Variants in CTNND2 observed in about 807,000 individuals in gnomAD.
CTNND2 encodes catenin delta 2, also known as catenin delta-2.
A neutral mutation model predicts 144.4 loss-of-function variants in CTNND2; 22 were observed. The ratio of observed to expected loss-of-function variants is 0.15; its 90% confidence interval spans 0.11 to 0.22. CTNND2 has a LOEUF of 0.22. Ranked by LOEUF, CTNND2 falls within the 10% of genes least tolerant of loss-of-function variation. The probability of loss-of-function intolerance (pLI) is 1.00; values close to 1 mark genes in which losing one functional copy is unlikely to be tolerated. For synonymous variants in CTNND2, 751 were observed against 695.6 expected (o/e 1.08, Z -1.25); for missense variants, 1,353 against 1,618.8 (o/e 0.84, Z 2.82).
intron 18 of CTNND2, among the ~76,000 whole-genome samples, chr5:11,002,727 A>T (rs1740083304): frequency 6.6e-6 from 1 of 152,192 alleles, no homozygotes; most frequent in South Asian, 2.1e-4. Flanking sequence ...CTTGACCCTG[A>T]TGGGGTGGAG....
intron 2 of CTNND2, among the ~76,000 whole-genome samples, chr5:11,731,559 T>C (rs1366043082): frequency 6.6e-6 from 1 of 152,228 alleles, no homozygotes; most frequent in Non-Finnish European, 1.5e-5. Flanking sequence ...ATGACTTTTA[T>C]AAAGTGACGT....
chr5:11,459,194 T>C lies in CTNND2; in HGVS notation c.288-47125A>G, dbSNP rs144811174. On this transcript the variant is annotated intron_variant, in intron 3 of 21. Coordinates refer to ENST00000304623, the MANE Select transcript of CTNND2 (RefSeq NM_001332.4). Reference sequence around the variant, plus strand: ...TATTACAAGTTTTTGTTATTATTGTTGTTATATTACCATTTACAGAGTTAA... The same window carrying C: ...TATTACAAGTTTTTGTTATTATTGTCGTTATATTACCATTTACAGAGTTAA... 2.0e-3 allele frequency among the ~76,000 whole-genome samples: 311 copies of C among 152,302 alleles called. 1 individual carries two copies. The highest frequency in any genetic ancestry group is 4.7e-4 in the Non-Finnish European group (32 of 68,026).
Position 11,904,128 on chromosome 5 carries a change from C to T in CTNND2, c.-275G>A, listed in dbSNP as rs898743104. ...CCGGCTCCGCGGGCTCCACGGGCTC[C>T]TGCGGGCTCCTCGGGGCTCCGGGCG... On this transcript the variant is annotated 5_prime_UTR_variant, in exon 1 of 22. Transcript: ENST00000304623. The surrounding 1 kb of genome is among the most constrained non-coding windows in gnomAD (Gnocchi z 4.2). 6.7e-6 allele frequency: 1 copy of T among 148,914 alleles called. No homozygotes were observed. The highest frequency in any genetic ancestry group is 2.5e-5 in the African/African-American group (1 of 40,536). 9.2% of individuals were successfully genotyped at this position (148,914 alleles called of 1,614,324 possible). A position where few individuals can be genotyped will look rare whatever the true frequency, so the allele number is the denominator to read the frequency against.
At chr5:11,309,957 A>T (rs1405116879) in intron 9 of CTNND2, among the ~76,000 whole-genome samples, 1 of 151,808 alleles carries the variant, frequency 6.6e-6, no homozygotes, top group Non-Finnish European at 1.5e-5. Flanking sequence ...GCCTTCTGCC[A>T]TTATTGTAAG....
intron 16 of CTNND2, among the ~76,000 whole-genome samples, chr5:11,025,988 A>C (rs1316267796): frequency 6.6e-6 from 1 of 152,156 alleles, no homozygotes; most frequent in Admixed American, 6.5e-5. Flanking sequence ...GGGTGGTTCA[A>C]ACTTTTTTTA....
chr5:11,204,577 T>C (rs1737844114), intron 10 of CTNND2, among the ~76,000 whole-genome samples: 1 of 152,152 alleles, frequency 6.6e-6, no homozygotes, highest in Non-Finnish European at 1.5e-5. Context: ...GCCCCATTTG[T>C]TACTCTTAAC....
chr5:11,412,637 G>A (rs1317015508), intron 3 of CTNND2, among the ~76,000 whole-genome samples: 1 of 152,034 alleles, frequency 6.6e-6, no homozygotes, highest in Non-Finnish European at 1.5e-5. Context: ...AGACGGAAAG[G>A]GTTGTCCATA....
rs545081920 is a variant in CTNND2, at chr5:11,250,044, T to C, written c.1629-13221A>G. On this transcript the variant is annotated intron_variant, in intron 9 of 21. Transcript: ENST00000304623. ...CAAAGCAATTCCATAGGGATTTTCT[T>C]TGATCATATTTCAGAGTACTTTGCT... Among the ~76,000 whole-genome samples, 71 of 152,336 alleles carry C rather than the reference T, an allele frequency of 4.7e-4. 2 individuals are homozygous for C. In the South Asian group the frequency reaches 0.014, roughly 30 times the overall value.
intron 2 of CTNND2, among the ~76,000 whole-genome samples, chr5:11,713,610 CAT>C (rs1786166753): frequency 6.8e-6 from 1 of 146,312 alleles, no homozygotes; most frequent in South Asian, 2.2e-4. Context: ...AAAAAAATAC[CAT>C]ATATATACAT....
intron 1 of CTNND2, among the ~76,000 whole-genome samples, chr5:11,817,517 C>A (rs1056045606): frequency 6.7e-6 from 1 of 149,680 alleles, no homozygotes; most frequent in Non-Finnish European, 1.5e-5. Context: ...ACCAACACAA[C>A]CCCATTCCCC....
At position 11,753,953 on chromosome 5, in the gene CTNND2, G is replaced by A. The variant is rs531107904; in HGVS notation, c.38-21681C>T. Among the ~76,000 whole-genome samples the A allele has an allele frequency of 2.7e-5, 4 of 150,914 alleles. No individual in the cohort carries two copies. In the South Asian group the frequency reaches 8.4e-4, roughly 32 times the overall value. On this transcript the variant is annotated intron_variant, in intron 1 of 21. Coordinates refer to ENST00000304623, the MANE Select transcript of CTNND2 (RefSeq NM_001332.4). ...TTTCTTCTAGGCTTTCTAGTGCATA[G>A]AGGTGTGCATAGAGGTGTTTGTAGT...
At chr5:11,663,927 T>C (rs981010842) in intron 2 of CTNND2, among the ~76,000 whole-genome samples, 22 of 152,300 alleles carry the variant, frequency 1.4e-4, no homozygotes, top group African/African-American at 5.1e-4. Context: ...AGGGATCTGA[T>C]TGGCAACACT....
chr5:11,755,868 G>A (rs905038686), intron 1 of CTNND2, among the ~76,000 whole-genome samples: 1 of 151,458 alleles, frequency 6.6e-6, no homozygotes, highest in African/African-American at 2.4e-5. Context: ...CTTGGATTGA[G>A]TTTCAACTTT....
intron 12 of CTNND2, among the ~76,000 whole-genome samples, chr5:11,144,255 T>A (rs116257252): frequency 2.6e-3 from 390 of 152,338 alleles, no homozygotes; most frequent in Middle Eastern, 0.01. Flanking sequence ...TTTCATTGTC[T>A]TATTTTTCAA....
intron 6 of CTNND2, among the ~76,000 whole-genome samples, chr5:11,389,649 C>G (rs530822618): frequency 6.6e-6 from 1 of 152,222 alleles, no homozygotes; most frequent in African/African-American, 2.4e-5. Flanking sequence ...ATTATTCCAA[C>G]AGCCATTAAT....
At chr5:11,194,033 A>G (rs902431014) in intron 11 of CTNND2, among the ~76,000 whole-genome samples, 2 of 152,200 alleles carry the variant, frequency 1.3e-5, no homozygotes, top group Admixed American at 1.3e-4. Context: ...GTTATTTACC[A>G]TGGACATAAT....
At chr5:11,129,299 A>T (rs1324487042) in intron 12 of CTNND2, among the ~76,000 whole-genome samples, 1 of 44,914 alleles carries the variant, frequency 2.2e-5, no homozygotes, top group African/African-American at 7.7e-5. Flanking sequence ...TATATAATAT[A>T]TATTATATAT....
At chr5:11,389,278 C>T (rs534787802) in intron 6 of CTNND2, among the ~76,000 whole-genome samples, 13 of 152,322 alleles carry the variant, frequency 8.5e-5, no homozygotes, top group African/African-American at 2.9e-4. Context: ...ACAACCCCAT[C>T]AAGGAGATGT....
At chr5:11,787,154 A>T (rs941998825) in intron 1 of CTNND2, among the ~76,000 whole-genome samples, 1 of 152,222 alleles carries the variant, frequency 6.6e-6, no homozygotes, top group Non-Finnish European at 1.5e-5. Flanking sequence ...TGGGGAAAGC[A>T]AGTCTTTATT....
Sources: gnomAD v4.1 joint callset for allele counts (sites outside exome capture counted in the v4.1 genomes callset) on GRCh38, gnomAD v4.1.1 for gene constraint, Gnocchi (gnomAD v3.1) non-coding constraint, MANE v1.5 for transcripts, NCBI Gene and HGNC (gene_info 2026-07-23, HGNC 2026-07-21) for gene names.